Variants in CMIP observed in about 807,000 individuals in gnomAD.
CMIP encodes the protein C-Maf-inducing protein.
In CMIP, 13 loss-of-function variants were observed where a neutral mutation model predicts 97.3. The observed-to-expected ratio is 0.13, with a 90% CI of 0.09 to 0.21. The LOEUF is 0.21. CMIP is among the 10% of genes least tolerant of loss of function. The pLI, the probability that CMIP is intolerant of heterozygous loss-of-function variation, is 1.00. For synonymous variants in CMIP, 538 were observed against 436.3 expected (o/e 1.23, Z -2.91); for missense variants, 847 against 1,024.9 (o/e 0.83, Z 2.37).
intron 1 of CMIP, among the ~76,000 whole-genome samples, chr16:81,485,060 G>T (rs971657009): frequency 1.8e-4 from 28 of 152,152 alleles, no homozygotes; most frequent in African/African-American, 6.8e-4. Flanking sequence ...CCTGATGCCT[G>T]ACTCCACCCC....
chr16:81,647,446 T>C (rs375481347), intron 3 of CMIP, among the ~76,000 whole-genome samples: 6 of 152,262 alleles, frequency 3.9e-5, no homozygotes, highest in African/African-American at 1.4e-4. Context: ...CACCGCATGC[T>C]ATAGTTCACC....
intron 1 of CMIP, among the ~76,000 whole-genome samples, chr16:81,541,249 T>G (rs1301118591): frequency 6.6e-6 from 1 of 152,212 alleles, no homozygotes; most frequent in East Asian, 1.9e-4. Flanking sequence ...CTATAGAAAG[T>G]ATATGGTATA....
intron 1 of CMIP, among the ~76,000 whole-genome samples, chr16:81,563,922 A>G (rs1225601299): frequency 6.6e-6 from 1 of 152,230 alleles, no homozygotes; most frequent in Non-Finnish European, 1.5e-5. Flanking sequence ...GCTGCAGCCT[A>G]GCTGTCTCCA....
At chr16:81,550,688 C>T (rs1432483831) in intron 1 of CMIP, among the ~76,000 whole-genome samples, 1 of 152,152 alleles carries the variant, frequency 6.6e-6, no homozygotes, top group South Asian at 2.1e-4. Context: ...TACTAGAAGG[C>T]TGAAGTCAGG....
At chr16:81,596,506 C>CAAAAA (rs1164896590) in intron 1 of CMIP, among the ~76,000 whole-genome samples, 3 of 89,016 alleles carry the variant, frequency 3.4e-5, no homozygotes, top group African/African-American at 1.1e-4. Context: ...GGCCCTGTCT[C>CAAAAA]AAAAAAAAAA....
intron 1 of CMIP, among the ~76,000 whole-genome samples, chr16:81,572,951 T>C (rs2091121079): frequency 6.6e-6 from 1 of 152,158 alleles, no homozygotes; most frequent in Non-Finnish European, 1.5e-5. Context: ...TCTTCAAATA[T>C]CAGCAAGTTT....
chr16:81,550,025 G>A (rs920544446), intron 1 of CMIP, among the ~76,000 whole-genome samples: 1 of 152,234 alleles, frequency 6.6e-6, no homozygotes, highest in South Asian at 2.1e-4. Context: ...GCAAATGTGT[G>A]CACATCTACA....
At chr16:81,497,446 C>G (rs1185915941) in intron 1 of CMIP, among the ~76,000 whole-genome samples, 4 of 152,216 alleles carry the variant, frequency 2.6e-5, no homozygotes, top group Non-Finnish European at 5.9e-5. Context: ...TCTCTAGGAA[C>G]TGTTTCTAAA....
rs917096924 is a variant in CMIP at position 81,453,323 on chromosome 16, T to C, written c.300+7782T>C. Among the ~76,000 whole-genome samples, 1 of 152,184 alleles carries C rather than the reference T, an allele frequency of 6.6e-6. No individual in the cohort carries two copies. Among genetic ancestry groups the C allele is most frequent in the Non-Finnish European group, 1.5e-5 (1 of 68,010 alleles). ...TGGATCGTCTGGTCCCTGGTGGATA[T>C]AGGATTTGAGTGTATGGAATCAAAC... On this transcript the variant is annotated intron_variant, in intron 1 of 20. Transcript: ENST00000537098. The surrounding 1 kb of genome is among the most constrained non-coding windows in gnomAD (Gnocchi z 4.0).
chr16:81,597,907 C>T (rs569057111), intron 1 of CMIP, among the ~76,000 whole-genome samples: 1 of 152,168 alleles, frequency 6.6e-6, no homozygotes, highest in African/African-American at 2.4e-5. Flanking sequence ...CTCTCCATCA[C>T]TGGCCTATCC....
At position 81,678,626 on chromosome 16, in the gene CMIP, G is replaced by C; in HGVS notation, c.1386G>C (p.Leu462=). 6.6e-7 allele frequency: 1 copy of C among 1,516,228 alleles called. No homozygotes were observed. The allele number at this position is 1,516,228 out of a possible 1,614,324, so 93.9% of individuals were successfully genotyped here. ...TLGCYVEILK[L]LSDYDDWRPS... ...GCTGCTACGTGGAAATCCTCAAGCT[G>C]CTGTGAGTGCCCCCCCCGCGTGCCC... Residue 462 remains leucine (L), a splice_region_variant and synonymous_variant, in exon 10 of 21, where the codon CTG becomes CTC. Transcript: ENST00000537098.
chr16:81,700,084 A>G (rs1284195777), intron 15 of CMIP, among the ~76,000 whole-genome samples: 3 of 152,186 alleles, frequency 2.0e-5, no homozygotes, highest in Admixed American at 1.3e-4. Flanking sequence ...TGAGGGCTTT[A>G]AAACAAGATC....
intron 1 of CMIP, among the ~76,000 whole-genome samples, chr16:81,471,353 CAT>C (rs1040918497): frequency 1.6e-4 from 25 of 152,278 alleles, no homozygotes; most frequent in South Asian, 4.1e-4. Context: ...TAGGTGCACA[CAT>C]ATGTATACAT....
At chr16:81,486,002 G>A (rs138122058) in intron 1 of CMIP, among the ~76,000 whole-genome samples, 1 of 152,340 alleles carries the variant, frequency 6.6e-6, no homozygotes, top group East Asian at 1.9e-4. Context: ...CAGACCTACT[G>A]CGGAGGGTTG....
chr16:81,605,049 A>G (rs772424270), intron 1 of CMIP, among the ~76,000 whole-genome samples: 86 of 152,210 alleles, frequency 5.7e-4, no homozygotes, highest in Non-Finnish European at 6.5e-4. Flanking sequence ...CCAACACAAT[A>G]AATATTTGAA....
At position 81,521,981 on chromosome 16, in the gene CMIP, A is replaced by C. The variant is rs565292324; in HGVS notation, c.300+76440A>C. Among the ~76,000 whole-genome samples, 29 of 152,338 alleles carry C rather than the reference A, an allele frequency of 1.9e-4. No homozygotes were observed. The South Asian group carries it at 6.0e-3, about 32-fold the overall frequency. ...TTTCCTTTTTATCCAGGAAGGCGAG[A>C]AGAAAAGCGTATAAGCAGGATTTCA... On this transcript the variant is annotated intron_variant, in intron 1 of 20. Coordinates refer to ENST00000537098, the MANE Select transcript of CMIP (RefSeq NM_198390.3).
chr16:81,675,818 C>G (rs1045715104), intron 9 of CMIP, among the ~76,000 whole-genome samples: 1 of 152,172 alleles, frequency 6.6e-6, no homozygotes, highest in African/African-American at 2.4e-5. Context: ...CTGGGACTCT[C>G]TAGGGTTGGA....
At chr16:81,539,782 T>C (rs2090414870) in intron 1 of CMIP, among the ~76,000 whole-genome samples, 1 of 152,234 alleles carries the variant, frequency 6.6e-6, no homozygotes, top group Non-Finnish European at 1.5e-5. Flanking sequence ...CCACCTCCAC[T>C]GGACCTTCCA....
intron 10 of CMIP, among the ~76,000 whole-genome samples, chr16:81,679,762 C>A (rs529700944): frequency 1.1e-4 from 16 of 152,098 alleles, no homozygotes; most frequent in Non-Finnish European, 2.2e-4. Context: ...GTTCTTAATC[C>A]TTGACCCCTA....
Sources: gnomAD v4.1 joint callset for allele counts (sites outside exome capture counted in the v4.1 genomes callset) on GRCh38, gnomAD v4.1.1 for gene constraint, Gnocchi (gnomAD v3.1) non-coding constraint, MANE v1.5 for transcripts, NCBI Gene and HGNC (gene_info 2026-07-23, HGNC 2026-07-21) for gene names.